Variants in TBCCD1 observed in about 807,000 individuals in gnomAD.
The protein encoded by TBCCD1 is TBCC domain containing 1.
In TBCCD1, 26 loss-of-function variants were observed where a neutral mutation model predicts 53.4. That is an observed-to-expected ratio of 0.49 (90% CI 0.36 to 0.68). TBCCD1 has a LOEUF of 0.68. Among genes scored for constraint, TBCCD1 ranks in the 30% least tolerant of loss-of-function variants. TBCCD1 has a pLI of 0.00. For synonymous variants in TBCCD1, 245 were observed against 241.7 expected, an observed-to-expected ratio of 1.01 and a Z score of -0.13; for missense variants, 558 against 669.5, an observed-to-expected ratio of 0.83 and a Z score of 1.84.
At chr3:186,558,684 CT>C in intron 2 of TBCCD1, 112 bp from the exon 3 acceptor site, 1 of 1,161,224 alleles carries the variant, frequency 8.6e-7, no homozygotes, top group Non-Finnish European at 1.2e-6. Flanking sequence ...AAAAAACCAA[CT>C]TAGAAACATT....
chr3:186,548,266 C>T (rs949709929), intron 7 of TBCCD1, among the ~76,000 whole-genome samples: 1 of 152,174 alleles, frequency 6.6e-6, no homozygotes, highest in Non-Finnish European at 1.5e-5. Context: ...AACCCAGACA[C>T]AAGAAGCCAC....
At chr3:186,568,937 G>A (rs1339098052), upstream of TBCCD1, among the ~76,000 whole-genome samples, 1 of 150,324 alleles carries the variant, frequency 6.7e-6, no homozygotes, top group Non-Finnish European at 1.5e-5. Flanking sequence ...AGAAAACAGG[G>A]TGGTGTAAGA....
intron 6 of TBCCD1, among the ~76,000 whole-genome samples, chr3:186,552,243 G>A (rs1020574559): frequency 7.9e-5 from 12 of 152,148 alleles, no homozygotes; most frequent in African/African-American, 2.9e-4. Context: ...TCCAAAGTGA[G>A]AGCGTATTTC....
upstream of TBCCD1, chr3:186,570,224 A>G (rs983495563): frequency 6.1e-6 from 4 of 650,820 alleles, no homozygotes; most frequent in African/African-American, 7.1e-5. Context: ...GGCCTAAGCA[A>G]TGCGTCTGAT....
At chr3:186,558,309 C>T in intron 3 of TBCCD1, 108 bp downstream of exon 3, 1 of 1,341,468 alleles carries the variant, frequency 7.5e-7, no homozygotes, top group Admixed American at 2.3e-5. Flanking sequence ...AACAAGCCAT[C>T]AAATCACTGG....
At chr3:186,568,230 G>A (rs1441646549), upstream of TBCCD1, among the ~76,000 whole-genome samples, 1 of 152,182 alleles carries the variant, frequency 6.6e-6, no homozygotes, top group Non-Finnish European at 1.5e-5. Flanking sequence ...TGGCACAGTG[G>A]TACGCACTAG....
At chr3:186,562,180 G>T (rs747643012) in intron 2 of TBCCD1, among the ~76,000 whole-genome samples, 1 of 152,048 alleles carries the variant, frequency 6.6e-6, no homozygotes, top group Non-Finnish European at 1.5e-5. Flanking sequence ...TGACCTCTAT[G>T]AAAAAAATAC....
chr3:186,569,436 A>G (rs143530829), upstream of TBCCD1, among the ~76,000 whole-genome samples: 3,815 of 151,976 alleles, frequency 0.025, 60 homozygotes, highest in Middle Eastern at 0.054. Context: ...CTCCTGCCTC[A>G]GGCTCCCGAG....
intron 1 of TBCCD1, among the ~76,000 whole-genome samples, chr3:186,566,814 C>G (rs6772520): frequency 0.069 from 10,556 of 152,166 alleles, 431 homozygotes; most frequent in African/African-American, 0.12. Flanking sequence ...TGAGTAAAAC[C>G]AGACGATAAA....
At chr3:186,558,377 T>C (rs1361710647) in intron 3 of TBCCD1, 40 bp downstream of exon 3, 6 of 1,581,686 alleles carry the variant, frequency 3.8e-6, no homozygotes, top group South Asian at 2.3e-5. Context: ...CCCACACAAA[T>C]TGTCCCTTTT....
At chr3:186,551,697 G>A (rs1469899656) in intron 6 of TBCCD1, among the ~76,000 whole-genome samples, 7 of 152,274 alleles carry the variant, frequency 4.6e-5, no homozygotes, top group South Asian at 4.1e-4. Context: ...TAAATAGGCC[G>A]GGCATGGTGA....
rs755427012 is a variant in TBCCD1 at position 186,555,083 on chromosome 3, A to T, written c.861T>A (p.Val287=). The T allele has an allele frequency of 6.3e-7, 1 of 1,591,574 alleles. No homozygotes were observed. The highest frequency in any genetic ancestry group is 2.2e-5 in the East Asian group (1 of 44,626). Residue 287 remains valine, a splice_region_variant and synonymous_variant, in exon 5 of 8, where the codon GTT becomes GTA. Transcript: ENST00000338733. Reference sequence around the variant, plus strand: ...TCTTAGCTCTTTTGGTGGTCCCTTCAACTATTTAAGAAAACATATAAATAG... The same window carrying T: ...TCTTAGCTCTTTTGGTGGTCCCTTCTACTATTTAAGAAAACATATAAATAG... ...SGKKLAWAHQ[V]EGTTKRAKIA...
chr3:186,552,092 G>C (rs1714398141), intron 6 of TBCCD1, among the ~76,000 whole-genome samples: 1 of 152,150 alleles, frequency 6.6e-6, no homozygotes, highest in Non-Finnish European at 1.5e-5. Context: ...TTCTGGAAAT[G>C]TTATTTCAGA....
Position 186,564,353 on chromosome 3 carries a change from G to C in TBCCD1, c.-24C>G. On this transcript the variant is annotated 5_prime_UTR_variant, in exon 2 of 8. Coordinates refer to ENST00000338733, the MANE Select transcript of TBCCD1 (RefSeq NM_018138.5). Reference sequence around the variant, plus strand: ...ATATTATCTCTAAGGACATCAGGGTGAAAAGGCTTCTTTGCATACCTAGGA... The same window carrying C: ...ATATTATCTCTAAGGACATCAGGGTCAAAAGGCTTCTTTGCATACCTAGGA... 1 of 1,559,416 alleles carries C rather than the reference G, an allele frequency of 6.4e-7. No homozygotes were observed. The highest frequency in any genetic ancestry group is 8.7e-7 in the Non-Finnish European group (1 of 1,151,462).
rs538445338 is a variant in TBCCD1 at position 186,555,716 on chromosome 3, G to A, written c.860-632C>T. 3.3e-5 allele frequency among the ~76,000 whole-genome samples: 5 copies of A among 152,108 alleles called. No individual in the cohort carries two copies. In the South Asian group the frequency reaches 8.3e-4, roughly 25 times the overall value. ...TGAGATTACCAGTGCATGCCACCAC[G>A]CCTGGCTAATTTTTGTATTTTTAGT... On this transcript the variant is annotated intron_variant, in intron 4 of 7. Transcript: ENST00000338733.
At chr3:186,566,876 G>C (rs1054991296) in intron 1 of TBCCD1, among the ~76,000 whole-genome samples, 1 of 152,244 alleles carries the variant, frequency 6.6e-6, no homozygotes, top group African/African-American at 2.4e-5. Context: ...AGGCTGCTCT[G>C]TGAGGTACTG....
intron 4 of TBCCD1, 69 bp downstream of exon 4, chr3:186,556,340 T>C (rs1321468831): frequency 8.5e-6 from 13 of 1,531,608 alleles, no homozygotes; most frequent in African/African-American, 2.8e-5. Context: ...AGATCACTAA[T>C]ATATTAGAAA....
At chr3:186,549,319 A>G (rs1714303394) in intron 7 of TBCCD1, among the ~76,000 whole-genome samples, 1 of 152,040 alleles carries the variant, frequency 6.6e-6, no homozygotes, top group Admixed American at 6.6e-5. Context: ...TTAATTAATT[A>G]ATTGATCCCT....
At position 186,551,268 on chromosome 3, in the gene TBCCD1, T is replaced by C; in HGVS notation, c.1556A>G (p.Lys519Arg). 1 of 1,612,766 alleles carries C rather than the reference T, an allele frequency of 6.2e-7. No individual in the cohort carries two copies. Among genetic ancestry groups the C allele is most frequent in the Non-Finnish European group, 8.5e-7 (1 of 1,179,612 alleles). Residue 519 changes from lysine to arginine, a missense_variant, in exon 7 of 8, where the codon AAG becomes AGG. Physicochemically the swap from Lys to Arg is conservative, Grantham distance 26. Coordinates refer to ENST00000338733, the MANE Select transcript of TBCCD1 (RefSeq NM_018138.5). Reference protein sequence around the residue: ...KEAHLTKDQRKQFQVLVENKF... With the variant: ...KEAHLTKDQRRQFQVLVENKF... Reference sequence around the variant, plus strand: ...GTTCTCTACCAGTACCTGGAACTGCTTCCTTTGATCCCTAAAATTGCGATT... The same window carrying C: ...GTTCTCTACCAGTACCTGGAACTGCCTCCTTTGATCCCTAAAATTGCGATT...
Sources: gnomAD v4.1 joint callset for allele counts (sites outside exome capture counted in the v4.1 genomes callset) on GRCh38, gnomAD v4.1.1 for gene constraint, MANE v1.5 for transcripts, NCBI Gene and HGNC (gene_info 2026-07-23, HGNC 2026-07-21) for gene names.